The following DLGAP2 variants were observed in gnomAD, a reference collection of about 807,000 sequenced individuals.
DLGAP2 encodes DLG associated protein 2.
In DLGAP2, 26 loss-of-function variants were observed where a neutral mutation model predicts 100.3. The observed-to-expected ratio is 0.26, with a 90% CI of 0.19 to 0.36. The LOEUF (loss-of-function observed/expected upper bound fraction) is 0.36. Ranked by LOEUF, DLGAP2 falls within the 10% of genes least tolerant of loss-of-function variation. The pLI is 1.00. For synonymous variants in DLGAP2, 886 were observed against 630.1 expected (o/e 1.41, Z -6.08); for missense variants, 1,858 against 1,453.2 (o/e 1.28, Z -4.53).
intron 3 of DLGAP2, among the ~76,000 whole-genome samples, chr8:1,348,509 A>ACGGTGGCTGTGTGGAGGT (rs1801622573): frequency 6.0e-5 from 9 of 149,470 alleles, no homozygotes; most frequent in South Asian, 2.1e-4. Flanking sequence ...CATTGCACTC[A>ACGGTGGCTGTGTGGAGGT]TGATAGCTGT....
chr8:760,838 G>C (rs1821061746), intron 1 of DLGAP2, among the ~76,000 whole-genome samples: 1 of 152,130 alleles, frequency 6.6e-6, no homozygotes, highest in Non-Finnish European at 1.5e-5. Flanking sequence ...CTCTCCTGTT[G>C]CTGGGGTTTG....
At chr8:997,452 C>G (rs1477782279) in intron 2 of DLGAP2, among the ~76,000 whole-genome samples, 1 of 152,116 alleles carries the variant, frequency 6.6e-6, no homozygotes, top group South Asian at 2.1e-4. Flanking sequence ...ACAGAGAAGA[C>G]AACAACTGAT....
intron 3 of DLGAP2, among the ~76,000 whole-genome samples, chr8:1,276,158 A>C (rs915401661): frequency 1.3e-5 from 2 of 148,338 alleles, no homozygotes; most frequent in Admixed American, 6.9e-5. Context: ...CCTGCCACGG[A>C]GAGACTCAGG....
intron 3 of DLGAP2, among the ~76,000 whole-genome samples, chr8:1,446,035 G>T (rs894555970): frequency 2.0e-5 from 3 of 150,802 alleles, no homozygotes. Flanking sequence ...CTCCCATTTT[G>T]TAGGTTGCCT....
intron 1 of DLGAP2, among the ~76,000 whole-genome samples, chr8:850,430 T>A (rs937553409): frequency 2.6e-5 from 4 of 152,176 alleles, no homozygotes; most frequent in African/African-American, 9.6e-5. Flanking sequence ...AGAAAAAAAA[T>A]CATCAAATTT....
intron 3 of DLGAP2, among the ~76,000 whole-genome samples, chr8:1,427,389 TACAA>T (rs1219872885): frequency 6.6e-5 from 10 of 152,194 alleles, no homozygotes; most frequent in Non-Finnish European, 1.3e-4. Flanking sequence ...CAAAATCAAT[TACAA>T]ACATTTTAAA....
At chr8:1,584,290 A>G (rs1222079760) in intron 6 of DLGAP2, among the ~76,000 whole-genome samples, 3 of 152,208 alleles carry the variant, frequency 2.0e-5, no homozygotes, top group African/African-American at 7.2e-5. Context: ...AAGATAATCA[A>G]TTTAAAAGAC....
In DLGAP2 at chr8:759,278, C is replaced by T. The variant is rs1242159522; in HGVS notation, c.18+21453C>T. Among the ~76,000 whole-genome samples, 3 of 150,882 alleles carry T rather than the reference C, an allele frequency of 2.0e-5. No homozygotes were observed. The Admixed American group carries it at 2.0e-4, about 10-fold the overall frequency. On this transcript the variant is annotated intron_variant, in intron 1 of 14. Coordinates refer to ENST00000637795, the MANE Select transcript of DLGAP2 (RefSeq NM_001346810.2). ...TGTTGTCAATACCCCCCACAGCCTC[C>T]CCATTATCAATACCCCCCACAGCCT...
At chr8:770,873 CT>C (rs33945325) in intron 1 of DLGAP2, among the ~76,000 whole-genome samples, 31,588 of 147,648 alleles carry the variant, frequency 0.21, 3,838 homozygotes, top group Middle Eastern at 0.28. Flanking sequence ...AATTATGCCT[CT>C]TTTTTTTTTT....
chr8:1,097,901 C>T (rs112100073), intron 2 of DLGAP2, among the ~76,000 whole-genome samples: 18,520 of 90,106 alleles, frequency 0.21, 3,194 homozygotes, highest in African/African-American at 0.4. Context: ...CACCTCCCTG[C>T]GCTCAGGAGA....
At chr8:807,320 C>G (rs1796289374) in intron 1 of DLGAP2, among the ~76,000 whole-genome samples, 1 of 50,298 alleles carries the variant, frequency 2.0e-5, no homozygotes, top group African/African-American at 8.7e-5. Context: ...TCTTCTCATT[C>G]ATACGTTCTC....
At chr8:1,408,337 C>T (rs1224287011) in intron 3 of DLGAP2, among the ~76,000 whole-genome samples, 1 of 152,214 alleles carries the variant, frequency 6.6e-6, no homozygotes, top group African/African-American at 2.4e-5. Context: ...TTCCCCTTCC[C>T]TCGGGGAGGC....
chr8:1,644,346 C>T (rs1157032416), intron 8 of DLGAP2, among the ~76,000 whole-genome samples: 1 of 152,222 alleles, frequency 6.6e-6, no homozygotes, highest in Non-Finnish European at 1.5e-5. Context: ...GGGTTGCAAA[C>T]CCCAGTGACC....
rs79232222 is a variant in DLGAP2 at position 757,414 on chromosome 8, C to G, written c.18+19589C>G. Reference sequence around the variant, plus strand: ...TCATGTGTCGGCCATGGTGCAGTTGCATGAGACTCGATTCATTTAGCACCG... The same window carrying G: ...TCATGTGTCGGCCATGGTGCAGTTGGATGAGACTCGATTCATTTAGCACCG... On this transcript the variant is annotated intron_variant, in intron 1 of 14. Coordinates refer to ENST00000637795, the MANE Select transcript of DLGAP2 (RefSeq NM_001346810.2). Among the ~76,000 whole-genome samples the G allele has an allele frequency of 1.6e-3, 244 of 152,328 alleles. 5 individuals are homozygous for G. The East Asian group carries it at 0.043, about 27-fold the overall frequency.
chr8:1,542,628 G>C (rs993112239), intron 4 of DLGAP2, among the ~76,000 whole-genome samples: 14 of 152,152 alleles, frequency 9.2e-5, no homozygotes. Context: ...CCCCATGTTT[G>C]TCCATTCATC....
intron 2 of DLGAP2, among the ~76,000 whole-genome samples, chr8:1,166,428 C>A (rs538309253): frequency 6.6e-6 from 1 of 152,308 alleles, no homozygotes; most frequent in East Asian, 1.9e-4. Context: ...CAAGCTCTTA[C>A]CCTCTGTTCG....
Position 1,549,210 on chromosome 8 carries a change from A to G in DLGAP2, c.757A>G (p.Asn253Asp). 1 of 1,602,798 alleles carries G rather than the reference A, an allele frequency of 6.2e-7. No individual in the cohort carries two copies. Among genetic ancestry groups the G allele is most frequent in the Non-Finnish European group, 8.5e-7 (1 of 1,175,500 alleles). ...CTCGCTGGAGGGCTCCTCCAAAAGC[A>G]ACGCCAACGGCACCAAGGCGGACGG... The part of the protein sequence containing the change: ...SHSLEGSSKS[N>D]ANGTKADGRA... Residue 253 changes from asparagine to aspartate, a missense_variant, in exon 5 of 15, where the codon AAC becomes GAC. Transcript: ENST00000637795.
intron 3 of DLGAP2, among the ~76,000 whole-genome samples, chr8:1,482,272 T>C (rs1799119357): frequency 6.6e-6 from 1 of 152,202 alleles, no homozygotes; most frequent in African/African-American, 2.4e-5. Flanking sequence ...GGAAAGCCGT[T>C]TGATCTGCTT....
intron 2 of DLGAP2, among the ~76,000 whole-genome samples, chr8:1,038,859 A>C (rs1802210325): frequency 6.6e-6 from 1 of 152,182 alleles, no homozygotes; most frequent in Non-Finnish European, 1.5e-5. Flanking sequence ...TTGTGTGAGG[A>C]ACCTCATTGA....
Sources: allele counts gnomAD v4.1 joint callset (sites outside exome capture counted in the v4.1 genomes callset), GRCh38; gene constraint gnomAD v4.1.1; transcripts MANE v1.5; gene names NCBI Gene and HGNC (gene_info 2026-07-23, HGNC 2026-07-21).